LRIG3: variants seen among roughly 807,000 people sequenced by gnomAD.
The protein encoded by LRIG3 is leucine-rich repeats and immunoglobulin-like domains protein 3.
LRIG3 carries 76 observed loss-of-function variants against 114.5 expected under a neutral mutation model. That is an observed-to-expected ratio of 0.66 (90% CI 0.55 to 0.80). The LOEUF is 0.80. Ranked by LOEUF, LRIG3 falls within the 30% of genes least tolerant of loss-of-function variation. The probability of loss-of-function intolerance (pLI) is 0.00; values close to 1 mark genes in which losing one functional copy is unlikely to be tolerated. For synonymous variants in LRIG3, 512 were observed against 519.8 expected, an observed-to-expected ratio of 0.98 and a Z score of 0.20; for missense variants, 1,239 against 1,382.8, an observed-to-expected ratio of 0.90 and a Z score of 1.65.
chr12:58,900,726 A>C (rs1160333192), intron 3 of LRIG3, among the ~76,000 whole-genome samples: 2 of 152,244 alleles, frequency 1.3e-5, no homozygotes, highest in Non-Finnish European at 2.9e-5. Context: ...AGTTGATTCC[A>C]TATAAACACA....
At chr12:58,919,395 CTT>C (rs1250104866) in intron 1 of LRIG3, 1 of 1,551,384 alleles carries the variant, frequency 6.4e-7, no homozygotes, top group Non-Finnish European at 8.7e-7. Context: ...ACCGACCAGT[CTT>C]TACAATCTGG....
At chr12:58,919,394 T>G in intron 1 of LRIG3, 1 of 1,551,422 alleles carries the variant, frequency 6.4e-7, no homozygotes, top group South Asian at 1.2e-5. Flanking sequence ...TACCGACCAG[T>G]CTTTACAATC....
At chr12:58,885,162 G>A (rs1326129564) in intron 10 of LRIG3, among the ~76,000 whole-genome samples, 2 of 152,086 alleles carry the variant, frequency 1.3e-5, no homozygotes, top group East Asian at 1.9e-4. Context: ...TCTGGGTTGC[G>A]TCCTGCTTCT....
Position 58,920,351 on chromosome 12 carries a change from TCCCTCGCGCTGCC to T in LRIG3, c.-129_-117del. On this transcript the variant is annotated 5_prime_UTR_variant, in exon 1 of 19. Coordinates refer to ENST00000320743, the MANE Select transcript of LRIG3 (RefSeq NM_153377.5). ...GCCCTCGCGGTCGCGTGCGCGCTCC[TCCCTCGCGCTGCC>T]CGGTCAATTCCTTCTTTTACTCCCG... 3.0e-6 allele frequency: 2 copies of T among 677,794 alleles called. No homozygotes were observed. Among genetic ancestry groups the T allele is most frequent in the Non-Finnish European group, 4.3e-6 (2 of 468,878 alleles). The allele number at this position is 677,794 out of a possible 1,614,324, so 42.0% of individuals were successfully genotyped here.
At chr12:58,907,883 C>T (rs930638436) in intron 3 of LRIG3, among the ~76,000 whole-genome samples, 4 of 152,114 alleles carry the variant, frequency 2.6e-5, no homozygotes, top group African/African-American at 7.2e-5. Context: ...ATTGAGAGCT[C>T]GCTAAGATAA....
At chr12:58,903,489 C>A (rs996302429) in intron 3 of LRIG3, among the ~76,000 whole-genome samples, 1 of 152,078 alleles carries the variant, frequency 6.6e-6, no homozygotes, top group Non-Finnish European at 1.5e-5. Context: ...GAGTAGGTTG[C>A]AAAAATTTTC....
At chr12:58,899,317 T>C (rs933532726) in intron 3 of LRIG3, among the ~76,000 whole-genome samples, 3 of 152,240 alleles carry the variant, frequency 2.0e-5, no homozygotes, top group Non-Finnish European at 4.4e-5. Flanking sequence ...GTATCTTTCA[T>C]AGTTTTCTCC....
At position 58,880,729 on chromosome 12, in the gene LRIG3, G is replaced by A; in HGVS notation, c.1653C>T (p.His551=). The change falls in exon 13 of 19, where the codon CAC becomes CAT. Residue 551 remains histidine (H), a synonymous_variant. Coordinates refer to ENST00000320743, the MANE Select transcript of LRIG3 (RefSeq NM_153377.5). ...TCACCTCGCCACCTTGGGCCCGGAG[G>A]TGTGCATAATTTTCCATTTCAGCAT... is the stretch of plus-strand genomic sequence containing the variant. ...LHDAEMENYA[H]LRAQGGEVME... The A allele has an allele frequency of 1.2e-6, 2 of 1,614,204 alleles. No individual in the cohort carries two copies. The highest frequency in any genetic ancestry group is 8.5e-7 in the Non-Finnish European group (1 of 1,180,036).
intron 15 of LRIG3, 73 bp downstream of exon 15, chr12:58,877,327 C>T (rs1592292990): frequency 2.0e-5 from 29 of 1,442,178 alleles, no homozygotes; most frequent in Non-Finnish European, 2.6e-5. Flanking sequence ...GCAAGACACA[C>T]GTTCTAGAAG....
intron 12 of LRIG3, among the ~76,000 whole-genome samples, chr12:58,881,722 C>T (rs920481920): frequency 1.3e-5 from 2 of 152,180 alleles, no homozygotes; most frequent in Admixed American, 6.5e-5. Flanking sequence ...GAAAAGACAA[C>T]TTTTTATGTG....
chr12:58,885,033 C>T (rs541421833), intron 10 of LRIG3, among the ~76,000 whole-genome samples: 3 of 152,150 alleles, frequency 2.0e-5, no homozygotes, highest in South Asian at 4.2e-4. Flanking sequence ...ATTCCTGAGC[C>T]CCTAAATGAC....
chr12:58,919,414 A>T, intron 1 of LRIG3: 1 of 1,551,590 alleles, frequency 6.4e-7, no homozygotes, highest in Non-Finnish European at 8.7e-7. Context: ...CTGGTTGAGG[A>T]GTGGGAACTT....
chr12:58,910,113 C>T (rs142955465), intron 3 of LRIG3, among the ~76,000 whole-genome samples: 1 of 152,036 alleles, frequency 6.6e-6, no homozygotes, highest in Non-Finnish European at 1.5e-5. Context: ...GCTATAAAGA[C>T]AATGATGGAC....
chr12:58,873,782 T>A (rs61096689), intron 18 of LRIG3: 2 of 496,830 alleles, frequency 4.0e-6, no homozygotes, highest in Non-Finnish European at 7.2e-6. Flanking sequence ...AGCTCCTAAG[T>A]CCTCCCCAAA....
chr12:58,872,697 A>G lies in LRIG3; in HGVS notation c.3235T>C (p.Ser1079Pro). The change falls in exon 19 of 19, where the codon TCT becomes CCT. Residue 1079 changes from serine to proline, a missense_variant. Physicochemically the swap from Ser to Pro is moderately conservative, Grantham distance 74. Coordinates refer to ENST00000320743, the MANE Select transcript of LRIG3 (RefSeq NM_153377.5). ...LKAHSSPDLD[S>P]GSEEDGKERT... ...TCTTTCCCATCTTCCTCTGACCCAG[A>G]GTCCAAGTCTGGGGAAGAATGAGCT... 6.2e-7 allele frequency: 1 copy of G among 1,614,132 alleles called. No individual in the cohort carries two copies. The highest frequency in any genetic ancestry group is 8.5e-7 in the Non-Finnish European group (1 of 1,179,986).
rs750458949 is a variant in LRIG3, at chr12:58,890,129, T to C, written c.526A>G (p.Ser176Gly). The change falls in exon 5 of 19, where the codon AGC becomes GGC. Residue 176 changes from serine to glycine, a missense_variant. Ser to Gly is a moderately conservative substitution (Grantham distance 56). Transcript: ENST00000320743. The stretch of plus-strand genomic sequence containing the variant: ...GGTTCCATTGATGTGACTCGGTTGC[T>C]GTTGAGATACCTGTTGAAAGTTTAA... ...ALQLKYLYLN[S>G]NRVTSMEPGY... The C allele has an allele frequency of 5.6e-6, 9 of 1,613,424 alleles. No individual in the cohort carries two copies. The South Asian group carries it at 9.9e-5, about 18-fold the overall frequency.
chr12:58,907,408 C>G (rs1872105994), intron 3 of LRIG3, among the ~76,000 whole-genome samples: 1 of 152,152 alleles, frequency 6.6e-6, no homozygotes, highest in South Asian at 2.1e-4. Context: ...AATTCACCCC[C>G]AATGCAAAAT....
intron 3 of LRIG3, among the ~76,000 whole-genome samples, chr12:58,898,447 C>T (rs1428416181): frequency 1.3e-5 from 2 of 152,142 alleles, no homozygotes; most frequent in East Asian, 3.9e-4. Context: ...ACCTACCCTC[C>T]CTCTTGGGGG....
At chr12:58,916,863 T>C (rs1011289305) in intron 1 of LRIG3, among the ~76,000 whole-genome samples, 4 of 152,212 alleles carry the variant, frequency 2.6e-5, no homozygotes, top group African/African-American at 9.6e-5. Context: ...TGGTTCAAGC[T>C]GTCATTTTCT....
Sources: gnomAD v4.1 joint callset for allele counts (sites outside exome capture counted in the v4.1 genomes callset) on GRCh38, gnomAD v4.1.1 for gene constraint, MANE v1.5 for transcripts, NCBI Gene and HGNC (gene_info 2026-07-23, HGNC 2026-07-21) for gene names.